ASTN2: variants seen among roughly 807,000 people sequenced by gnomAD.
ASTN2 encodes the protein astrotactin 2.
Under a neutral mutation model 139.8 loss-of-function variants are expected in ASTN2, and 54 were observed. The observed-to-expected ratio is 0.39, with a 90% CI of 0.31 to 0.48. The LOEUF (loss-of-function observed/expected upper bound fraction) is 0.48. Among genes scored for constraint, ASTN2 ranks in the 20% least tolerant of loss-of-function variants. The pLI is 0.95. For synonymous variants in ASTN2, 756 were observed against 719.5 expected (o/e 1.05, Z -0.81); for missense variants, 1,565 against 1,725.1 (o/e 0.91, Z 1.64).
chr9:116,597,673 A>T (rs890563907), intron 19 of ASTN2, among the ~76,000 whole-genome samples: 3 of 151,422 alleles, frequency 2.0e-5, no homozygotes, highest in Non-Finnish European at 4.4e-5. Context: ...TTCTTCTCTA[A>T]GTCTTATTTC....
Position 116,425,960 on chromosome 9 carries a change from C to T in ASTN2, c.3911G>A (p.Arg1304Gln), listed in dbSNP as rs747574236. The change falls in exon 23 of 23, where the codon CGG becomes CAG. Residue 1304 changes from arginine to glutamine, a missense_variant. By Grantham distance (43) the Arg-to-Gln change is conservative (BLOSUM62 1). Around this residue, in one of 4 missense-constraint regions of ASTN2, gnomAD observed 418 missense variants for 465.8 expected, o/e 0.90. Transcript: ENST00000313400. ...PYLFCRSEEV[R>Q]PAGMVWYSIL... ...GCTATACCACACCATGCCTGCAGGC[C>T]GGACCTCCTCGCTGCGGCAGAAAAG... The T allele has an allele frequency of 5.6e-6, 9 of 1,614,134 alleles. No homozygotes were observed. Among genetic ancestry groups the T allele is most frequent in the South Asian group, 2.2e-5 (2 of 91,084 alleles).
intron 19 of ASTN2, among the ~76,000 whole-genome samples, chr9:116,571,498 A>G (rs888286968): frequency 2.0e-5 from 3 of 152,186 alleles, no homozygotes; most frequent in African/African-American, 7.2e-5. Flanking sequence ...AGTTATGTCC[A>G]TACGGTGAGT....
intron 19 of ASTN2, among the ~76,000 whole-genome samples, chr9:116,506,635 G>C (rs149595254): frequency 5.3e-5 from 8 of 152,298 alleles, no homozygotes; most frequent in African/African-American, 1.9e-4. Context: ...TAAATAGAGA[G>C]AATGTGGGAG....
chr9:116,777,487 T>C (rs762028066), intron 13 of ASTN2, among the ~76,000 whole-genome samples: 20 of 152,170 alleles, frequency 1.3e-4, no homozygotes, highest in Non-Finnish European at 2.2e-4. Context: ...CAAGAATTGG[T>C]ATACTCTCTT....
At chr9:116,928,366 A>G (rs1834815630) in intron 10 of ASTN2, among the ~76,000 whole-genome samples, 2 of 119,506 alleles carry the variant, frequency 1.7e-5, no homozygotes, top group Admixed American at 9.9e-5. Context: ...AGAAATTCCA[A>G]TTACATTTTT....
At chr9:117,071,850 T>C (rs545808984) in intron 5 of ASTN2, among the ~76,000 whole-genome samples, 21 of 152,260 alleles carry the variant, frequency 1.4e-4, no homozygotes, top group African/African-American at 3.4e-4. Context: ...GGTGAGGCAA[T>C]GCCTAGCCCT....
intron 10 of ASTN2, among the ~76,000 whole-genome samples, chr9:116,867,300 G>C (rs1182313828): frequency 6.6e-6 from 1 of 152,172 alleles, no homozygotes; most frequent in East Asian, 1.9e-4. Context: ...AGTGAGAAAA[G>C]AGAGCAGGAG....
chr9:116,424,729 G>A lies in ASTN2; in HGVS notation c.*1122C>T, dbSNP rs202176876. On this transcript the variant is annotated 3_prime_UTR_variant, in exon 23 of 23. Coordinates refer to ENST00000313400, the MANE Select transcript of ASTN2 (RefSeq NM_001365068.1). ...AGTAGCTGGGATTGATTACAGGCAC[G>A]TGCCACCATGCCCTGCTATTTTTTA... is the stretch of plus-strand genomic sequence containing the variant. Among the ~76,000 whole-genome samples the A allele has an allele frequency of 1.5e-4, 23 of 151,776 alleles. No individual in the cohort carries two copies. The highest frequency in any genetic ancestry group is 4.8e-4 in the African/African-American group (20 of 41,400).
At chr9:116,945,933 G>A (rs1191573580) in intron 10 of ASTN2, among the ~76,000 whole-genome samples, 3 of 152,210 alleles carry the variant, frequency 2.0e-5, no homozygotes, top group Non-Finnish European at 4.4e-5. Flanking sequence ...GAGCATAACT[G>A]GGAGGCCTTA....
intron 2 of ASTN2, among the ~76,000 whole-genome samples, chr9:117,264,076 A>T (rs1411474238): frequency 2.6e-5 from 4 of 152,148 alleles, no homozygotes; most frequent in Non-Finnish European, 4.4e-5. Context: ...AAATAAAATT[A>T]AAAAAAGAAA....
intron 22 of ASTN2, among the ~76,000 whole-genome samples, chr9:116,436,878 C>A (rs370536540): frequency 1.3e-5 from 2 of 151,596 alleles, no homozygotes; most frequent in African/African-American, 4.9e-5. Flanking sequence ...ACTATGCAGC[C>A]ATAAAAAATG....
intron 3 of ASTN2, among the ~76,000 whole-genome samples, chr9:117,207,458 C>T (rs1036788744): frequency 2.6e-5 from 4 of 151,926 alleles, no homozygotes; most frequent in Non-Finnish European, 5.9e-5. Context: ...CATTTTCAGG[C>T]CAGCCAAGCA....
rs773210001 is a variant in ASTN2 at position 116,725,861 on chromosome 9, C to T, written c.2716G>A (p.Ala906Thr). 1.7e-5 allele frequency: 28 copies of T among 1,613,892 alleles called. No individual in the cohort carries two copies. Among genetic ancestry groups the T allele is most frequent in the African/African-American group, 1.1e-4 (8 of 74,904 alleles). The change falls in exon 16 of 23, where the codon GCA becomes ACA. Residue 906 changes from alanine to threonine, a missense_variant. By Grantham distance (58) the Ala-to-Thr change is moderately conservative. Coordinates refer to ENST00000313400, the MANE Select transcript of ASTN2 (RefSeq NM_001365068.1). ...FIQHYGSHYI[A>T]EALYGSELTC... Reference sequence around the variant, plus strand: ...AGCTCTGAGCCATAGAGGGCCTCTGCGATGTAGTGGGAGCCATAGTGCTGG... The same window carrying T: ...AGCTCTGAGCCATAGAGGGCCTCTGTGATGTAGTGGGAGCCATAGTGCTGG...
chr9:116,864,690 A>G (rs772484095), intron 10 of ASTN2, among the ~76,000 whole-genome samples: 5 of 152,196 alleles, frequency 3.3e-5, no homozygotes, highest in Non-Finnish European at 7.3e-5. Context: ...GTGCCTCATG[A>G]GGCCCAGAGC....
intron 13 of ASTN2, among the ~76,000 whole-genome samples, chr9:116,803,522 AT>A (rs1158429877): frequency 4.2e-3 from 87 of 20,898 alleles, no homozygotes; most frequent in African/African-American, 8.7e-3. Context: ...ATATATATAT[AT>A]TTTTTTTTTT....
At chr9:116,486,102 T>C (rs530426918) in intron 20 of ASTN2, among the ~76,000 whole-genome samples, 4 of 152,376 alleles carry the variant, frequency 2.6e-5, no homozygotes, top group East Asian at 3.8e-4. Context: ...AAGAGACCTA[T>C]AGGGGTAAAG....
chr9:116,708,661 A>T (rs563330598), intron 16 of ASTN2, among the ~76,000 whole-genome samples: 9 of 152,306 alleles, frequency 5.9e-5, no homozygotes, highest in African/African-American at 2.2e-4. Flanking sequence ...CAAATTACCA[A>T]GTCCTTCCAC....
At chr9:116,497,373 T>C (rs1220295950) in intron 19 of ASTN2, among the ~76,000 whole-genome samples, 1 of 152,142 alleles carries the variant, frequency 6.6e-6, no homozygotes, top group African/African-American at 2.4e-5. Flanking sequence ...GAACACCCTC[T>C]AGGCGCCAGG....
chr9:116,844,304 G>A lies in ASTN2; in HGVS notation c.2040+19279C>T, dbSNP rs908456652. On this transcript the variant is annotated intron_variant, in intron 11 of 22. Transcript: ENST00000313400. Reference sequence around the variant, plus strand: ...CTTCTCCTAGCACAAGCTTTATTCTGCCAGGTGGGACGGTTTCTGGGTCAC... The same window carrying A: ...CTTCTCCTAGCACAAGCTTTATTCTACCAGGTGGGACGGTTTCTGGGTCAC... Among the ~76,000 whole-genome samples the A allele has an allele frequency of 3.3e-5, 5 of 152,274 alleles. No homozygotes were observed. In the South Asian group the frequency reaches 1.0e-3, roughly 32 times the overall value.
Sources: allele counts gnomAD v4.1 joint callset (sites outside exome capture counted in the v4.1 genomes callset), GRCh38; gene constraint gnomAD v4.1.1; regional missense constraint gnomAD v4.1.1; transcripts MANE v1.5; gene names NCBI Gene and HGNC (gene_info 2026-07-23, HGNC 2026-07-21).